Variants in PDC observed in about 807,000 individuals in gnomAD.
PDC encodes 33 kDa phototransducing protein.
PDC carries 19 observed loss-of-function variants against 22.2 expected under a neutral mutation model. That is an observed-to-expected ratio of 0.86 (90% CI 0.60 to 1.26). The LOEUF (loss-of-function observed/expected upper bound fraction) is 1.26, where lower values mean the gene tolerates loss of function less well. PDC is among the 50% of genes most tolerant of loss of function. The pLI, the probability that PDC is intolerant of heterozygous loss-of-function variation, is 0.00. For synonymous variants in PDC, 97 were observed against 96.2 expected (o/e 1.01, Z -0.05); for missense variants, 274 against 286.8 (o/e 0.96, Z 0.32).
Position 186,444,393 on chromosome 1 carries a change from A to C in PDC, c.327T>G (p.Pro109=), listed in dbSNP as rs761026786. Residue 109 remains proline, a synonymous_variant, in exon 4 of 4, where the codon CCT becomes CCG. Transcript: ENST00000391997. The part of the protein sequence containing the change: ...QDMHQKLSFG[P]RYGFVYELET... Reference sequence around the variant, plus strand: ...CCAGCTCATACACAAACCCATATCTAGGCCCAAAACTCAGCTTCTGGTGCA... The same window carrying C: ...CCAGCTCATACACAAACCCATATCTCGGCCCAAAACTCAGCTTCTGGTGCA... 6.2e-7 allele frequency: 1 copy of C among 1,614,088 alleles called. No individual in the cohort carries two copies. Among genetic ancestry groups the C allele is most frequent in the Non-Finnish European group, 8.5e-7 (1 of 1,179,968 alleles).
chr1:186,459,455 T>C (rs1662535563), intron 1 of PDC, among the ~76,000 whole-genome samples: 1 of 152,166 alleles, frequency 6.6e-6, no homozygotes, highest in South Asian at 2.1e-4. Context: ...AGATATTCTT[T>C]TACTTGTTCT....
intron 1 of PDC, among the ~76,000 whole-genome samples, chr1:186,455,663 C>T (rs1381368462): frequency 6.6e-6 from 1 of 151,524 alleles, no homozygotes; most frequent in Non-Finnish European, 1.5e-5. Context: ...GAAGAGCCCA[C>T]AAAAATATAG....
At chr1:186,455,786 C>G (rs1172342410) in intron 1 of PDC, among the ~76,000 whole-genome samples, 3 of 109,880 alleles carry the variant, frequency 2.7e-5, no homozygotes, top group African/African-American at 1.1e-4. Flanking sequence ...ACGGTGAAAC[C>G]CCGTCTCTAC....
chr1:186,445,536 G>A (rs921637003), intron 3 of PDC, among the ~76,000 whole-genome samples: 10 of 151,972 alleles, frequency 6.6e-5, no homozygotes, highest in Middle Eastern at 3.4e-3. Flanking sequence ...TTACTGTCCC[G>A]GGATGGGTAT....
At chr1:186,453,649 C>T (rs1050539959) in intron 1 of PDC, among the ~76,000 whole-genome samples, 7 of 152,150 alleles carry the variant, frequency 4.6e-5, no homozygotes, top group Non-Finnish European at 8.8e-5. Context: ...ATTGTAAATT[C>T]TTTGAGGATG....
At chr1:186,460,593 G>A (rs1168599069) in intron 1 of PDC, among the ~76,000 whole-genome samples, 4 of 152,108 alleles carry the variant, frequency 2.6e-5, no homozygotes, top group African/African-American at 7.2e-5. Context: ...ATACACACAA[G>A]GTTCAGTTTT....
At position 186,443,966 on chromosome 1, in the gene PDC, A is replaced by T. The variant is rs770384250; in HGVS notation, c.*13T>A. ...CCTAAAGGATAAACATGAGATATTGACATAGTGAATCTTCATTCAACATCT... is the reference window on the plus strand; with the variant it reads ...CCTAAAGGATAAACATGAGATATTGTCATAGTGAATCTTCATTCAACATCT... On this transcript the variant is annotated 3_prime_UTR_variant, in exon 4 of 4. Coordinates refer to ENST00000391997, the MANE Select transcript of PDC (RefSeq NM_002597.5). 6.3e-7 allele frequency: 1 copy of T among 1,580,208 alleles called. No homozygotes were observed. The highest frequency in any genetic ancestry group is 8.7e-7 in the Non-Finnish European group (1 of 1,152,716).
At chr1:186,454,867 C>T (rs1024409159) in intron 1 of PDC, among the ~76,000 whole-genome samples, 5 of 152,154 alleles carry the variant, frequency 3.3e-5, no homozygotes, top group Non-Finnish European at 5.9e-5. Context: ...TCTACAGATT[C>T]AGGGATTTTT....
chr1:186,458,235 T>C (rs1662509225), intron 1 of PDC, among the ~76,000 whole-genome samples: 2 of 148,036 alleles, frequency 1.4e-5, no homozygotes, highest in Non-Finnish European at 3.0e-5. Context: ...TCTTTTTTTT[T>C]TTTTTTTTTT....
intron 1 of PDC, among the ~76,000 whole-genome samples, chr1:186,460,642 T>C (rs1300127890): frequency 6.6e-6 from 1 of 152,194 alleles, no homozygotes. Context: ...TCCTGGAACA[T>C]ATCCCCCTTG....
intron 2 of PDC, among the ~76,000 whole-genome samples, chr1:186,448,025 G>A (rs1662272002): frequency 6.6e-6 from 1 of 152,134 alleles, no homozygotes; most frequent in Non-Finnish European, 1.5e-5. Flanking sequence ...GTTCCATTGT[G>A]TAGATATACA....
chr1:186,444,499 A>G lies in PDC; in HGVS notation c.221T>C (p.Ile74Thr), dbSNP rs1662179379. ...TTTATGGATTAGTTCATATTCTTGAATGCTCATCTGAGAATAAAGAAATGA... is the reference window on the plus strand; with the variant it reads ...TTTATGGATTAGTTCATATTCTTGAGTGCTCATCTGAGAATAAAGAAATGA... ...SKERVSRKMS[I>T]QEYELIHKEK... is the part of the protein sequence containing the mutation. Residue 74 changes from isoleucine (I) to threonine (T), a missense_variant, in exon 4 of 4, where the codon ATT (isoleucine) becomes ACT (threonine). By Grantham distance (89) the Ile-to-Thr change is moderately conservative (BLOSUM62 -1). Transcript: ENST00000391997. The G allele has an allele frequency of 6.3e-7, 1 of 1,581,090 alleles. No individual in the cohort carries two copies.
intron 2 of PDC, 29 bp downstream of exon 2, chr1:186,449,370 T>A: frequency 2.1e-6 from 3 of 1,427,912 alleles, no homozygotes; most frequent in Non-Finnish European, 2.9e-6. Context: ...TTTAATTTAA[T>A]AATTATTTTT....
At chr1:186,446,769 A>G (rs1212620485) in intron 2 of PDC, among the ~76,000 whole-genome samples, 192 bp from the exon 3 acceptor site, 1 of 152,216 alleles carries the variant, frequency 6.6e-6, no homozygotes, top group Non-Finnish European at 1.5e-5. Flanking sequence ...ATCTTGTTAA[A>G]TGGGTTTTGG....
At chr1:186,455,998 T>A (rs59815957) in intron 1 of PDC, among the ~76,000 whole-genome samples, 13,285 of 48,766 alleles carry the variant, frequency 0.27, 1,726 homozygotes, top group Non-Finnish European at 0.29. Flanking sequence ...AAAAAAAATA[T>A]ATATATATAT....
chr1:186,444,164 G>A lies in PDC; in HGVS notation c.556C>T (p.Leu186Phe), dbSNP rs1424254396. ...CCTTTATAGATGAGCAGTGTAGGAA[G>A]TACATCTAAGGAAAAGCGGTCCCCA... Reference protein sequence around the residue: ...GAGDRFSLDVLPTLLIYKGGE... With the variant: ...GAGDRFSLDVFPTLLIYKGGE... Residue 186 changes from leucine (L) to phenylalanine (F), a missense_variant, in exon 4 of 4, where the codon CTT (leucine) becomes TTT (phenylalanine). Coordinates refer to ENST00000391997, the MANE Select transcript of PDC (RefSeq NM_002597.5). 4 of 1,613,778 alleles carry A rather than the reference G, an allele frequency of 2.5e-6. No individual in the cohort carries two copies. The highest frequency in any genetic ancestry group is 3.4e-6 in the Non-Finnish European group (4 of 1,179,704).
At chr1:186,447,303 C>T (rs908853870) in intron 2 of PDC, among the ~76,000 whole-genome samples, 4 of 152,062 alleles carry the variant, frequency 2.6e-5, no homozygotes, top group Non-Finnish European at 5.9e-5. Flanking sequence ...CGCATACCAC[C>T]ACGCCTGGCT....
At position 186,444,165 on chromosome 1, in the gene PDC, T is replaced by C; in HGVS notation, c.555A>G (p.Val185=). The change falls in exon 4 of 4, where the codon GTA becomes GTG. Residue 185 remains valine (V), a synonymous_variant. Coordinates refer to ENST00000391997, the MANE Select transcript of PDC (RefSeq NM_002597.5). ...CTTTATAGATGAGCAGTGTAGGAAG[T>C]ACATCTAAGGAAAAGCGGTCCCCAG... ...TGAGDRFSLD[V]LPTLLIYKGG... 1 of 1,613,616 alleles carries C rather than the reference T, an allele frequency of 6.2e-7. No homozygotes were observed. The highest frequency in any genetic ancestry group is 8.5e-7 in the Non-Finnish European group (1 of 1,179,558).
intron 1 of PDC, 64 bp downstream of exon 1, chr1:186,460,995 C>T (rs556312832): frequency 6.5e-6 from 1 of 154,730 alleles, no homozygotes; most frequent in South Asian, 2.0e-4. Context: ...AGTGAATCAC[C>T]ATTCTTTCCC....
Sources: allele counts gnomAD v4.1 joint callset (sites outside exome capture counted in the v4.1 genomes callset), GRCh38; gene constraint gnomAD v4.1.1; transcripts MANE v1.5; gene names NCBI Gene and HGNC (gene_info 2026-07-23, HGNC 2026-07-21).